ADGRE2: variants seen among roughly 807,000 people sequenced by gnomAD.
ADGRE2 encodes adhesion G protein-coupled receptor E2, also known as CD97 antigen.
Under a neutral mutation model 100.8 loss-of-function variants are expected in ADGRE2, and 83 were observed. The observed-to-expected ratio is 0.82, with a 90% confidence interval of 0.69 to 0.99. The LOEUF is 0.99. Ranked by LOEUF, ADGRE2 falls within the 50% of genes least tolerant of loss-of-function variation. ADGRE2 has a pLI of 0.00. For synonymous variants in ADGRE2, 355 were observed against 413.0 expected (o/e 0.86, Z 1.70); for missense variants, 814 against 1,035.7 (o/e 0.79, Z 2.94).
intron 1 of ADGRE2, 177 bp from the exon 2 acceptor site, chr19:14,777,104 G>A: frequency 2.0e-6 from 2 of 985,266 alleles, no homozygotes; most frequent in Non-Finnish European, 1.2e-6. Flanking sequence ...CAACCCTCTG[G>A]CCTCTGTGTG....
At chr19:14,770,443 C>T (rs751776921) in intron 5 of ADGRE2, among the ~76,000 whole-genome samples, 19 of 152,044 alleles carry the variant, frequency 1.2e-4, no homozygotes, top group Non-Finnish European at 5.9e-5. Flanking sequence ...CATGATCCAG[C>T]CTCATGTATT....
rs1361099167 is a variant in ADGRE2, at chr19:14,766,242, G to A, written c.627C>T (p.Val209=). ...PGSPNGPNNT[V]CEDVDECSSG... ...GGGATCTGAGCTCTCGACCTTCACA[G>A]ACGGTATTGTTTGGGCCATTGGGGG... The change falls in exon 7 of 21, where the codon GTC becomes GTT. Residue 209 remains valine, a synonymous_variant. Transcript: ENST00000315576. 9.3e-6 allele frequency: 15 copies of A among 1,614,110 alleles called. No individual in the cohort carries two copies. Among genetic ancestry groups the A allele is most frequent in the Non-Finnish European group, 1.3e-5 (15 of 1,180,026 alleles).
the ADGRE2 span, among the ~76,000 whole-genome samples, chr19:14,725,731 A>G: frequency 6.6e-6 from 1 of 152,234 alleles, no homozygotes; most frequent in Non-Finnish European, 1.5e-5. Flanking sequence ...GCGTCAAGAC[A>G]CACTAGTGCA....
rs34186967 is a variant in ADGRE2 at position 14,746,979 on chromosome 19, T to TAA, written c.2025-19_2025-18dup. On this transcript the variant is annotated splice_polypyrimidine_tract_variant and intron_variant, in intron 16 of 20. Transcript: ENST00000315576. ...AGCCAGCAGCTGAAAAAAGAGAGAT[T>TAA]AAAAAAAATGCATCAGTTTTTGGAG... The TAA allele has an allele frequency of 1.1e-4, 172 of 1,586,956 alleles. No individual in the cohort carries two copies. The South Asian group carries it at 1.1e-3, about 10-fold the overall frequency.
At chr19:14,731,960 CTG>C (rs1322596499), downstream of ADGRE2, 1 of 152,216 alleles carries the variant, frequency 6.6e-6, no homozygotes, top group African/African-American at 2.4e-5. Flanking sequence ...TGTTTCACTT[CTG>C]CCATGTCCTT....
At chr19:14,762,714 G>T (rs893773252) in intron 11 of ADGRE2, among the ~76,000 whole-genome samples, 1 of 151,926 alleles carries the variant, frequency 6.6e-6, no homozygotes, top group Non-Finnish European at 1.5e-5. Context: ...TGCAAACTTG[G>T]CTCACTGCAA....
In ADGRE2 at chr19:14,751,680, G is replaced by A; in HGVS notation, c.1789-9C>T. On this transcript the variant is annotated splice_polypyrimidine_tract_variant and intron_variant, in intron 15 of 20. Transcript: ENST00000315576. Reference sequence around the variant, plus strand: ...ATGATGGAGCACAGCACCTGGCGGAGAAGTAAAAGACGCCCAGAGCGGCGA... The same window carrying A: ...ATGATGGAGCACAGCACCTGGCGGAAAAGTAAAAGACGCCCAGAGCGGCGA... The A allele has an allele frequency of 6.2e-7, 1 of 1,607,126 alleles. No homozygotes were observed. Among genetic ancestry groups the A allele is most frequent in the Non-Finnish European group, 8.5e-7 (1 of 1,173,966 alleles).
chr19:14,766,031 C>T, intron 7 of ADGRE2: 2 of 1,108,776 alleles, frequency 1.8e-6, no homozygotes, highest in African/African-American at 1.6e-5. Context: ...TCAGCTGTTG[C>T]CTGGGGTCCC....
chr19:14,772,558 C>T, intron 4 of ADGRE2, 61 bp from the exon 5 acceptor site: 5 of 1,583,938 alleles, frequency 3.2e-6, no homozygotes, highest in Non-Finnish European at 4.3e-6. Flanking sequence ...AGGGCAGAGA[C>T]CCCCGTCCTG....
intron 7 of ADGRE2, 197 bp from the exon 8 acceptor site, chr19:14,766,001 G>A: frequency 3.7e-6 from 3 of 816,868 alleles, no homozygotes; most frequent in Non-Finnish European, 1.9e-6. Flanking sequence ...ATGGTGAAAC[G>A]CCTTCCTCCC....
At chr19:14,773,040 C>T (rs778774234) in intron 4 of ADGRE2, among the ~76,000 whole-genome samples, 81 of 131,656 alleles carry the variant, frequency 6.2e-4, no homozygotes, top group Non-Finnish European at 8.0e-4. Flanking sequence ...GATCGCGCCA[C>T]TGCACTCCTC....
At chr19:14,758,808 C>G (rs2043592421) in intron 11 of ADGRE2, among the ~76,000 whole-genome samples, 1 of 145,494 alleles carries the variant, frequency 6.9e-6, no homozygotes, top group Admixed American at 7.1e-5. Context: ...TGGCGTGACC[C>G]CGGGAGGCGG....
chr19:14,768,139 T>A (rs1018615445), intron 5 of ADGRE2, among the ~76,000 whole-genome samples: 1 of 152,198 alleles, frequency 6.6e-6, no homozygotes, highest in East Asian at 1.9e-4. Flanking sequence ...AGAATCCCGG[T>A]GGCCCTAGCA....
intron 18 of ADGRE2, 82 bp downstream of exon 18, chr19:14,746,150 C>G (rs2043079055): frequency 1.3e-5 from 10 of 793,344 alleles, no homozygotes; most frequent in Non-Finnish European, 2.1e-5. Flanking sequence ...TGAGAAGGGA[C>G]CTCAGTGGCT....
intron 13 of ADGRE2, 152 bp from the exon 14 acceptor site, chr19:14,755,279 A>ACC (rs1568599017): frequency 2.9e-5 from 17 of 595,112 alleles, no homozygotes; most frequent in African/African-American, 1.4e-4. Context: ...ACTAAAAAAA[A>ACC]AAAAAAAAAA....
rs562743764 is a variant in ADGRE2 at position 14,773,116 on chromosome 19, A to G, written c.200-619T>C. Among the ~76,000 whole-genome samples, 23 of 150,120 alleles carry G rather than the reference A, an allele frequency of 1.5e-4. No homozygotes were observed. The South Asian group carries it at 4.8e-3, about 32-fold the overall frequency. On this transcript the variant is annotated intron_variant, in intron 4 of 20. Coordinates refer to ENST00000315576, the MANE Select transcript of ADGRE2 (RefSeq NM_013447.4). ...AAAAAAAACAAAAAAAAAAAGAAAAAAGAAAAATAAGGGAGAAAAAAAAAC... is the reference window on the plus strand; with the variant it reads ...AAAAAAAACAAAAAAAAAAAGAAAAGAGAAAAATAAGGGAGAAAAAAAAAC...
rs1047458280 is a variant in ADGRE2 at position 14,732,839 on chromosome 19, T to A, written c.*3397A>T. On this transcript the variant is annotated 3_prime_UTR_variant, in exon 21 of 21. Transcript: ENST00000315576. ...ATTAAAACATAGCCATGATCATTCATTTATGATTGTCTATAGCTGTTTTCA... is the reference window on the plus strand; with the variant it reads ...ATTAAAACATAGCCATGATCATTCAATTATGATTGTCTATAGCTGTTTTCA... 6.6e-6 allele frequency: 1 copy of A among 152,200 alleles called. No individual in the cohort carries two copies. Among genetic ancestry groups the A allele is most frequent in the African/African-American group, 2.4e-5 (1 of 41,452 alleles). The allele number at this position is 152,200 out of a possible 1,614,324, so 9.4% of individuals were successfully genotyped here.
At chr19:14,746,375 CTT>C (rs34368264) in intron 17 of ADGRE2, 52 bp from the exon 18 acceptor site, 6,705 of 759,562 alleles carry the variant, frequency 8.8e-3, no homozygotes, top group Admixed American at 0.011. Flanking sequence ...CCTGTTATCT[CTT>C]TTTTTTTTTT....
At chr19:14,751,309 C>G in intron 16 of ADGRE2, 127 bp downstream of exon 16, 1 of 666,558 alleles carries the variant, frequency 1.5e-6, no homozygotes, top group Non-Finnish European at 2.7e-6. Flanking sequence ...GCAGTGTAAT[C>G]CAACCAATAG....
Sources: allele counts gnomAD v4.1 joint callset (sites outside exome capture counted in the v4.1 genomes callset), GRCh38; gene constraint gnomAD v4.1.1; transcripts MANE v1.5; gene names NCBI Gene and HGNC (gene_info 2026-07-23, HGNC 2026-07-21).